LMNTD1: variants seen among roughly 807,000 people sequenced by gnomAD.
LMNTD1 encodes the protein lamin tail domain containing 1, also known as lamin tail domain-containing protein 1.
Under a neutral mutation model 50.9 loss-of-function variants are expected in LMNTD1, and 35 were observed. The observed-to-expected ratio is 0.69, with a 90% CI of 0.53 to 0.91. LMNTD1 has a LOEUF of 0.91. Among genes scored for constraint, LMNTD1 ranks in the 40% least tolerant of loss-of-function variants. The pLI, the probability that LMNTD1 is intolerant of heterozygous loss-of-function variation, is 0.00. For synonymous variants in LMNTD1, 153 were observed against 161.9 expected, an observed-to-expected ratio of 0.94 and a Z score of 0.42; for missense variants, 470 against 475.5, an observed-to-expected ratio of 0.99 and a Z score of 0.11.
intron 1 of LMNTD1, among the ~76,000 whole-genome samples, chr12:25,599,937 A>G (rs1945924231): frequency 6.6e-6 from 1 of 152,014 alleles, no homozygotes; most frequent in Admixed American, 6.6e-5. Context: ...ACACAGAAAT[A>G]GAAAAAACAA....
At chr12:25,625,023 T>A (rs1489540786) in intron 1 of LMNTD1, among the ~76,000 whole-genome samples, 1 of 109,542 alleles carries the variant, frequency 9.1e-6, no homozygotes, top group Non-Finnish European at 2.4e-5. Context: ...GGCACACATA[T>A]ATACACATGC....
intron 1 of LMNTD1, among the ~76,000 whole-genome samples, chr12:25,577,839 TA>T (rs1945099047): frequency 6.6e-6 from 1 of 152,126 alleles, no homozygotes; most frequent in Non-Finnish European, 1.5e-5. Flanking sequence ...GTTCAGTAAA[TA>T]GATTCTGCGC....
At chr12:25,535,478 C>G (rs1340687116) in intron 4 of LMNTD1, among the ~76,000 whole-genome samples, 1 of 151,612 alleles carries the variant, frequency 6.6e-6, no homozygotes, top group Non-Finnish European at 1.5e-5. Flanking sequence ...GCATAACAAC[C>G]CCAAGCATAG....
chr12:25,505,194 T>A (rs538757358), intron 8 of LMNTD1, among the ~76,000 whole-genome samples: 1 of 100,926 alleles, frequency 9.9e-6, no homozygotes, highest in Non-Finnish European at 2.1e-5. Context: ...CAATTTTGGG[T>A]TTTTTTTTGA....
chr12:25,605,829 T>A (rs1367118665), intron 1 of LMNTD1, among the ~76,000 whole-genome samples: 1 of 152,196 alleles, frequency 6.6e-6, no homozygotes, highest in African/African-American at 2.4e-5. Context: ...TCTTTTTTGG[T>A]TCCATATGAA....
chr12:25,523,024 T>A (rs1941439906), intron 6 of LMNTD1, among the ~76,000 whole-genome samples: 2 of 152,170 alleles, frequency 1.3e-5, no homozygotes, highest in Admixed American at 1.3e-4. Flanking sequence ...TTTAATTTTT[T>A]AAATTTGTTT....
intron 7 of LMNTD1, 24 bp from the exon 8 acceptor site, chr12:25,518,991 G>A: frequency 6.2e-7 from 1 of 1,611,846 alleles, no homozygotes; most frequent in Non-Finnish European, 8.5e-7. Flanking sequence ...AAGCCTAAAT[G>A]GAACTCAAAA....
intron 6 of LMNTD1, among the ~76,000 whole-genome samples, chr12:25,521,547 C>G (rs921224632): frequency 6.6e-6 from 1 of 152,144 alleles, no homozygotes; most frequent in Non-Finnish European, 1.5e-5. Flanking sequence ...GCAGCATAAT[C>G]TCAGGTAGGT....
chr12:25,542,657 C>T (rs928134788), intron 4 of LMNTD1, among the ~76,000 whole-genome samples: 6 of 150,060 alleles, frequency 4.0e-5, no homozygotes, highest in African/African-American at 7.4e-5. Flanking sequence ...ACTAGCATGG[C>T]ATATGTATAC....
intron 7 of LMNTD1, among the ~76,000 whole-genome samples, chr12:25,519,545 G>A (rs942831732): frequency 7.5e-6 from 1 of 133,994 alleles, no homozygotes; most frequent in African/African-American, 2.8e-5. Context: ...CCGAGATGGC[G>A]CCACTGCACT....
At chr12:25,620,885 C>A (rs570663884) in intron 1 of LMNTD1, among the ~76,000 whole-genome samples, 1 of 152,162 alleles carries the variant, frequency 6.6e-6, no homozygotes, top group African/African-American at 2.4e-5. Context: ...ATCATAATCC[C>A]CACCAACACT....
rs144077088 is a variant in LMNTD1 at position 25,547,532 on chromosome 12, C to T, written c.311-978G>A. 2.0e-5 allele frequency among the ~76,000 whole-genome samples: 3 copies of T among 151,614 alleles called. No individual in the cohort carries two copies. The East Asian group carries it at 5.8e-4, about 29-fold the overall frequency. On this transcript the variant is annotated intron_variant, in intron 3 of 9. Transcript: ENST00000458174. ...AAAATCCTCAAAGGATTAAGACAAT[C>T]TAGAGTTTAAATCTTACATCTTTAG...
Position 25,476,400 on chromosome 12 carries a change from G to T in LMNTD1, c.*83C>A, listed in dbSNP as rs1241118935. The T allele has an allele frequency of 1.3e-5, 2 of 152,150 alleles. No individual in the cohort carries two copies. The highest frequency in any genetic ancestry group is 4.8e-5 in the African/African-American group (2 of 41,442). The allele number at this position is 152,150 out of a possible 1,614,324, so 9.4% of individuals were successfully genotyped here. On this transcript the variant is annotated 3_prime_UTR_variant, in exon 10 of 10. Transcript: ENST00000458174. ...GAATAGCAGGGAGGTTGCAGAGCAG[G>T]CCTCAGGGATTTGAGTTCTCTTTTG...
At chr12:25,556,188 G>A (rs1436533164), upstream of LMNTD1, among the ~76,000 whole-genome samples, 3 of 152,080 alleles carry the variant, frequency 2.0e-5, no homozygotes. Flanking sequence ...GGCCGGGCTG[G>A]TCTTGAACTC....
intron 4 of LMNTD1, among the ~76,000 whole-genome samples, chr12:25,536,767 C>G (rs985506871): frequency 6.6e-6 from 1 of 152,266 alleles, no homozygotes; most frequent in African/African-American, 2.4e-5. Flanking sequence ...CAGCTCCCAG[C>G]CTGAGCGACG....
chr12:25,495,904 A>G (rs1939047072), intron 9 of LMNTD1, among the ~76,000 whole-genome samples: 1 of 152,176 alleles, frequency 6.6e-6, no homozygotes, highest in Non-Finnish European at 1.5e-5. Flanking sequence ...ACACTTCACA[A>G]AATAAATACT....
At chr12:25,550,825 G>T (rs1222358867) in intron 2 of LMNTD1, among the ~76,000 whole-genome samples, 1 of 152,108 alleles carries the variant, frequency 6.6e-6, no homozygotes, top group Non-Finnish European at 1.5e-5. Flanking sequence ...GCTCTTTAAT[G>T]TGCCTCTCAG....
Position 25,495,249 on chromosome 12 carries a change from C to CGCGTGT in LMNTD1, c.*22+8488_*22+8489insACACGC, listed in dbSNP as rs1555208226. Among the ~76,000 whole-genome samples, 117 of 144,768 alleles carry CGCGTGT rather than the reference C, an allele frequency of 8.1e-4. 1 individual carries two copies. Among genetic ancestry groups the CGCGTGT allele is most frequent in the Middle Eastern group, 3.5e-3 (1 of 284 alleles). The allele number at this position is 144,768 out of a possible 152,430, so 95.0% of individuals were successfully genotyped here. On this transcript the variant is annotated intron_variant, in intron 9 of 9. Transcript: ENST00000458174. The stretch of plus-strand genomic sequence containing the variant: ...TCCTGCCAAAATCATAAAGTGTGTA[C>CGCGTGT]GTGTGTGTGTGTGTGTGTGTGTGTG...
At chr12:25,628,000 C>T (rs910124479) in intron 1 of LMNTD1, among the ~76,000 whole-genome samples, 37 of 147,706 alleles carry the variant, frequency 2.5e-4, no homozygotes, top group East Asian at 1.6e-3. Context: ...CCCAGCTACA[C>T]GGGAGGCTGA....
Sources: gnomAD v4.1 joint callset for allele counts (sites outside exome capture counted in the v4.1 genomes callset) on GRCh38, gnomAD v4.1.1 for gene constraint, MANE v1.5 for transcripts, NCBI Gene and HGNC (gene_info 2026-07-23, HGNC 2026-07-21) for gene names.